LIPE: variants seen among roughly 807,000 people sequenced by gnomAD.
LIPE encodes the protein hormone-sensitive lipase.
In LIPE, 66 loss-of-function variants were observed where a neutral mutation model predicts 88.5. That is an observed-to-expected ratio of 0.75 (90% confidence interval 0.61 to 0.91). The LOEUF (loss-of-function observed/expected upper bound fraction) is 0.91. Ranked by LOEUF, LIPE falls within the 40% of genes least tolerant of loss-of-function variation. LIPE has a pLI of 0.00. For missense variants in LIPE, 1,346 were observed against 1,434.7 expected, an observed-to-expected ratio of 0.94 and a Z score of 1.00; for synonymous variants, 570 against 617.5, an observed-to-expected ratio of 0.92 and a Z score of 1.14.
rs529232229 is a variant in LIPE, at chr19:42,406,706, G to C, written c.2138-318C>G. ...GCTGAGCTCAGGCCTGTTGCAGGAG[G>C]GGGGCCTCAGAGGGCGGGAATGGAA... On this transcript the variant is annotated intron_variant, in intron 6 of 9. Coordinates refer to ENST00000244289, the MANE Select transcript of LIPE (RefSeq NM_005357.4). This position sits in a 1 kb window ranked among gnomAD's most constrained non-coding sequence, Gnocchi z 5.7. 6.6e-6 allele frequency among the ~76,000 whole-genome samples: 1 copy of C among 152,174 alleles called. No homozygotes were observed. The highest frequency in any genetic ancestry group is 1.5e-5 in the Non-Finnish European group (1 of 68,012).
chr19:42,411,477 A>G (rs1362090487), intron 1 of LIPE: 9 of 205,074 alleles, frequency 4.4e-5, no homozygotes, highest in Non-Finnish European at 7.7e-5. Flanking sequence ...AGTGCTACCC[A>G]TAGGCCCTTC....
In LIPE at chr19:42,410,620, G is replaced by A. The variant is rs138539064; in HGVS notation, c.1106C>T (p.Pro369Leu). 572 of 1,613,318 alleles carry A rather than the reference G, an allele frequency of 3.5e-4. 1 individual carries two copies. Among genetic ancestry groups the A allele is most frequent in the Admixed American group, 1.3e-3 (78 of 59,988 alleles). ...AHLFDLDPET[P>L]ANGYRSLVHT... ...CACTAGGCTGCGGTACCCGTTGGCC[G>A]GTGTCTCTGGGTCCAGGTCAAAGAG... Residue 369 changes from proline (P) to leucine (L), a missense_variant, in exon 2 of 10, where the codon CCG (proline) becomes CTG (leucine). Transcript: ENST00000244289. This position sits in a 1 kb window ranked among gnomAD's most constrained non-coding sequence, Gnocchi z 6.1.
rs186641677 is a variant in LIPE at position 42,421,877 on chromosome 19, G to A, written c.883+4390C>T. Among the ~76,000 whole-genome samples, 3 of 152,358 alleles carry A rather than the reference G, an allele frequency of 2.0e-5. No individual in the cohort carries two copies. In the East Asian group the frequency reaches 5.8e-4, roughly 29 times the overall value. On this transcript the variant is annotated intron_variant, in intron 1 of 9. Coordinates refer to ENST00000244289, the MANE Select transcript of LIPE (RefSeq NM_005357.4). ...ATCTAAAGCCTGGCACGAGGGCGGG[G>A]CTTCAGGAAATGACAGGCAAATCTT... is the stretch of plus-strand genomic sequence containing the variant.
At position 42,401,719 on chromosome 19, in the gene LIPE, C is replaced by G; in HGVS notation, c.*93G>C. The G allele has an allele frequency of 1.4e-6, 1 of 702,802 alleles. No individual in the cohort carries two copies. Among genetic ancestry groups the G allele is most frequent in the Non-Finnish European group, 2.0e-6 (1 of 489,296 alleles). 43.5% of individuals were successfully genotyped at this position (702,802 alleles called of 1,614,324 possible). On this transcript the variant is annotated 3_prime_UTR_variant, in exon 10 of 10. Transcript: ENST00000244289. ...GGCCCCCGCCCCGCCCCCTTGCCACCCCCGACTTAAGTAAGGCACAGCCCG... is the reference window on the plus strand; with the variant it reads ...GGCCCCCGCCCCGCCCCCTTGCCACGCCCGACTTAAGTAAGGCACAGCCCG...
At position 42,410,344 on chromosome 19, in the gene LIPE, T is replaced by C; in HGVS notation, c.1382A>G (p.His461Arg). Residue 461 changes from histidine (H) to arginine (R), a missense_variant, in exon 2 of 10, where the codon CAT becomes CGT. Physicochemically the swap from His to Arg is conservative, Grantham distance 29. Transcript: ENST00000244289. The surrounding 1 kb of genome is among the most constrained non-coding windows in gnomAD (Gnocchi z 6.1). ...ADFLREYVTLHKGCFYGRCLG... is the reference protein window; with the variant it reads ...ADFLREYVTLRKGCFYGRCLG... ...GCAGCGGCCATAGAAGCATCCCTTA[T>C]GCAGCGTGACATACTCCCGGAGGAA... 5 of 1,610,962 alleles carry C rather than the reference T, an allele frequency of 3.1e-6. No individual in the cohort carries two copies. The highest frequency in any genetic ancestry group is 4.2e-6 in the Non-Finnish European group (5 of 1,178,570).
chr19:42,401,817 G>A lies in LIPE; in HGVS notation c.3226C>T (p.His1076Tyr). The A allele has an allele frequency of 2.7e-6, 4 of 1,492,832 alleles. No individual in the cohort carries two copies. Among genetic ancestry groups the A allele is most frequent in the Non-Finnish European group, 3.6e-6 (4 of 1,125,320 alleles). The allele number at this position is 1,492,832 out of a possible 1,614,324, so 92.5% of individuals were successfully genotyped here. A position where few individuals can be genotyped will look rare whatever the true frequency, so the allele number is the denominator to read the frequency against. The change falls in exon 10 of 10, where the codon CAC (histidine) becomes TAC (tyrosine). Residue 1076 changes from histidine (H) to tyrosine (Y), a missense_variant. His to Tyr is a moderately conservative substitution (Grantham distance 83, BLOSUM62 2). Coordinates refer to ENST00000244289, the MANE Select transcript of LIPE (RefSeq NM_005357.4). ...CAGATGGGAACAACAGGCTTTTAGT[G>A]TCGCCCCCCGCAGCCCCCGTCTACC... ...AGVDGGCGGRH is the reference protein window; with the variant it reads ...AGVDGGCGGRY
rs542929092 is a variant in LIPE at position 42,423,948 on chromosome 19, A to G, written c.883+2319T>C. On this transcript the variant is annotated intron_variant, in intron 1 of 9. Transcript: ENST00000244289. ...CCTTCCCAGGGAGGGATGCCCTAGC[A>G]CGCGGCCCGGCCCGCCTTTTGAAGG... 1.3e-3 allele frequency: 1,476 copies of G among 1,168,760 alleles called. 14 individuals carry two copies. In the South Asian group the frequency reaches 0.013, roughly 11 times the overall value. 72.4% of individuals were successfully genotyped at this position (1,168,760 alleles called of 1,614,324 possible).
In LIPE at chr19:42,402,954, G is replaced by A. The variant is rs1208092669; in HGVS notation, c.2620C>T (p.Leu874=). ...CTCAGGCTCAAGTCCCTCAGGGTCA[G>A]GTTCTTGAGGGAATCCGTGCCCAGT... ...GPLGTDSLKN[L]TLRDLSLRGN... The change falls in exon 9 of 10, where the codon CTG becomes TTG. Residue 874 remains leucine (L), a synonymous_variant. Transcript: ENST00000244289. The A allele has an allele frequency of 4.4e-6, 7 of 1,608,014 alleles. No homozygotes were observed. Among genetic ancestry groups the A allele is most frequent in the Non-Finnish European group, 8.5e-7 (1 of 1,179,488 alleles).
intron 1 of LIPE, among the ~76,000 whole-genome samples, chr19:42,416,189 A>T (rs1029839823): frequency 1.3e-5 from 2 of 152,004 alleles, no homozygotes; most frequent in Admixed American, 1.3e-4. Flanking sequence ...CTTAAAATAC[A>T]AAAAAGAAGC....
rs1010065380 is a variant in LIPE at position 42,412,626 on chromosome 19, C to A, written c.884-1784G>T. 7.3e-6 allele frequency: 7 copies of A among 954,612 alleles called. No homozygotes were observed. The African/African-American group carries it at 1.1e-4, about 14-fold the overall frequency. The allele number at this position is 954,612 out of a possible 1,614,324, so 59.1% of individuals were successfully genotyped here. ...GTTACAGGCTCCTCTGCCTTAGAAC[C>A]CAGGAGTCCACACCCACAGCCCCTC... On this transcript the variant is annotated intron_variant, in intron 1 of 9. Coordinates refer to ENST00000244289, the MANE Select transcript of LIPE (RefSeq NM_005357.4).
chr19:42,426,323 C>T lies in LIPE; in HGVS notation c.827G>A (p.Gly276Glu). 6.2e-7 allele frequency: 1 copy of T among 1,610,060 alleles called. No individual in the cohort carries two copies. The highest frequency in any genetic ancestry group is 1.3e-5 in the African/African-American group (1 of 74,910). The change falls in exon 1 of 10, where the codon GGG (glycine) becomes GAG (glutamate). Residue 276 changes from glycine to glutamate, a missense_variant. Gly to Glu is a moderately conservative substitution (Grantham distance 98, BLOSUM62 -2). Transcript: ENST00000244289. ...SGYKVMSGYS[G>E]TSPHEKTSAR... Reference sequence around the variant, plus strand: ...ACTGGTTTTCTCATGTGGCGACGTCCCACTGTATCCTGACATCACTTTATA... The same window carrying T: ...ACTGGTTTTCTCATGTGGCGACGTCTCACTGTATCCTGACATCACTTTATA...
chr19:42,424,371 C>T (rs1350154478), intron 1 of LIPE: 3 of 456,664 alleles, frequency 6.6e-6, no homozygotes, highest in Non-Finnish European at 1.3e-5. Context: ...TCTGGACCGC[C>T]TTGCTCACAC....
In LIPE at chr19:42,410,229, T is replaced by G. The variant is rs759520991; in HGVS notation, c.1419+78A>C. ...CGATAATGCTGACCACTGGTTACTT[T>G]ACCATACTATAGGCCAGGCCAGGGG... On this transcript the variant is annotated intron_variant, in intron 2 of 9. Coordinates refer to ENST00000244289, the MANE Select transcript of LIPE (RefSeq NM_005357.4). This position sits in a 1 kb window ranked among gnomAD's most constrained non-coding sequence, Gnocchi z 6.1. 35 of 1,382,080 alleles carry G rather than the reference T, an allele frequency of 2.5e-5. No homozygotes were observed. The highest frequency in any genetic ancestry group is 3.4e-5 in the Non-Finnish European group (35 of 1,031,162). The allele number at this position is 1,382,080 out of a possible 1,614,324, so 85.6% of individuals were successfully genotyped here.
chr19:42,417,334 A>G (rs1863615822), intron 1 of LIPE, among the ~76,000 whole-genome samples: 1 of 151,866 alleles, frequency 6.6e-6, no homozygotes, highest in Non-Finnish European at 1.5e-5. Flanking sequence ...ATCATACCTC[A>G]CTGCAGCCTT....
chr19:42,408,379 A>G lies in LIPE; in HGVS notation c.1420-57T>C. ...CTCAAGAGAGGGATGGGGACAGGGCAGGAGCGAGGCACAGGGATGTGCGGG... is the reference window on the plus strand; with the variant it reads ...CTCAAGAGAGGGATGGGGACAGGGCGGGAGCGAGGCACAGGGATGTGCGGG... On this transcript the variant is annotated intron_variant, in intron 2 of 9. Transcript: ENST00000244289. The surrounding 1 kb of genome is among the most constrained non-coding windows in gnomAD (Gnocchi z 4.3). 1 of 1,404,296 alleles carries G rather than the reference A, an allele frequency of 7.1e-7. No homozygotes were observed. Among genetic ancestry groups the G allele is most frequent in the Non-Finnish European group, 1.0e-6 (1 of 990,568 alleles). The allele number at this position is 1,404,296 out of a possible 1,614,324, so 87.0% of individuals were successfully genotyped here.
Position 42,402,975 on chromosome 19 carries a change from C to T in LIPE, c.2599G>A (p.Gly867Ser), listed in dbSNP as rs761643886. The T allele has an allele frequency of 6.2e-7, 1 of 1,603,514 alleles. No homozygotes were observed. The highest frequency in any genetic ancestry group is 1.1e-5 in the South Asian group (1 of 90,944). ...GTCAGGTTCTTGAGGGAATCCGTGC[C>T]CAGTGGGCCCTGGGGCTGGGCCAGT... ...AALAQPQGPLGTDSLKNLTLR... is the reference protein window; with the variant it reads ...AALAQPQGPLSTDSLKNLTLR... Residue 867 changes from glycine to serine, a missense_variant, in exon 9 of 10, where the codon GGC (glycine) becomes AGC (serine). Gly to Ser is a moderately conservative substitution (Grantham distance 56). Transcript: ENST00000244289.
Position 42,410,656 on chromosome 19 carries a change from C to T in LIPE, c.1070G>A (p.Gly357Asp), listed in dbSNP as rs1250400649. ...GLEPALGRLL[G>D]VAHLFDLDPE... ...GTCCAGGTCAAAGAGGTGCGCCACACCCAGCAGGCGGCCCAGGGCCGGCTC... is the reference window on the plus strand; with the variant it reads ...GTCCAGGTCAAAGAGGTGCGCCACATCCAGCAGGCGGCCCAGGGCCGGCTC... The change falls in exon 2 of 10, where the codon GGT (glycine) becomes GAT (aspartate). Residue 357 changes from glycine (G) to aspartate (D), a missense_variant. By Grantham distance (94) the Gly-to-Asp change is moderately conservative (BLOSUM62 -1). Transcript: ENST00000244289. The surrounding 1 kb of genome is among the most constrained non-coding windows in gnomAD (Gnocchi z 6.1). 3 of 1,612,618 alleles carry T rather than the reference C, an allele frequency of 1.9e-6. No homozygotes were observed. Among genetic ancestry groups the T allele is most frequent in the Non-Finnish European group, 1.7e-6 (2 of 1,179,072 alleles).
At chr19:42,417,971 C>T (rs1357457392) in intron 1 of LIPE, among the ~76,000 whole-genome samples, 1 of 151,584 alleles carries the variant, frequency 6.6e-6, no homozygotes, top group Non-Finnish European at 1.5e-5. Context: ...CAGGCTTTGA[C>T]AGGACTGACC....
At chr19:42,402,483 C>G (rs1057011424) in intron 9 of LIPE, 124 bp downstream of exon 9, 7 of 833,816 alleles carry the variant, frequency 8.4e-6, no homozygotes, top group Non-Finnish European at 1.2e-5. Context: ...CCTGGGGACA[C>G]GCCTGTCCCT....
Sources: gnomAD v4.1 joint callset for allele counts (sites outside exome capture counted in the v4.1 genomes callset) on GRCh38, gnomAD v4.1.1 for gene constraint, Gnocchi (gnomAD v3.1) non-coding constraint, MANE v1.5 for transcripts, NCBI Gene and HGNC (gene_info 2026-07-23, HGNC 2026-07-21) for gene names.